The following FGF5 variants were observed in gnomAD, a reference collection of about 807,000 sequenced individuals.
FGF5 encodes the protein fibroblast growth factor 5, also known as heparin-binding growth factor 5.
A neutral mutation model predicts 21.8 loss-of-function variants in FGF5; 23 were observed. That is an observed-to-expected ratio of 1.05 (90% CI 0.76 to 1.49). FGF5 has a LOEUF of 1.49. FGF5 is among the 40% of genes most tolerant of loss of function. The pLI is 0.00. For synonymous variants in FGF5, 158 were observed against 124.0 expected, an observed-to-expected ratio of 1.27 and a Z score of -1.82; for missense variants, 352 against 332.9, an observed-to-expected ratio of 1.06 and a Z score of -0.45.
rs1319810349 is a variant in FGF5 at position 80,266,853 on chromosome 4, T to G, written c.29T>G (p.Phe10Cys). 1 of 1,604,480 alleles carries G rather than the reference T, an allele frequency of 6.2e-7. No individual in the cohort carries two copies. The highest frequency in any genetic ancestry group is 1.7e-5 in the Admixed American group (1 of 58,548). Reference sequence around the variant, plus strand: ...AGCTTGTCCTTCCTCCTCCTCCTCTTCTTCAGCCACCTGATCCTCAGCGCC... The same window carrying G: ...AGCTTGTCCTTCCTCCTCCTCCTCTGCTTCAGCCACCTGATCCTCAGCGCC... MSLSFLLLL[F>C]FSHLILSAWA... The change falls in exon 1 of 3, where the codon TTC becomes TGC. Residue 10 changes from phenylalanine (F) to cysteine (C), a missense_variant. Coordinates refer to ENST00000312465, the MANE Select transcript of FGF5 (RefSeq NM_004464.4).
intron 1 of FGF5, among the ~76,000 whole-genome samples, chr4:80,267,798 A>G (rs1380433003): frequency 2.1e-5 from 3 of 142,748 alleles, no homozygotes; most frequent in Admixed American, 2.1e-4. Flanking sequence ...ACTAGGGGAC[A>G]CCAGACAGAC....
rs774440979 is a variant in FGF5, at chr4:80,267,008, TC to T, written c.189del (p.Ala64GlnfsTer55). On this transcript the variant is annotated frameshift_variant, in exon 1 of 3. Coordinates refer to ENST00000312465, the MANE Select transcript of FGF5 (RefSeq NM_004464.4). LOFTEE classifies it high-confidence loss of function. ...SAMSSSSASS[S>X]PAASLGSQGS... Reference sequence around the variant, plus strand: ...TATGTCTTCCTCTTCTGCCTCCTCCTCCCCCGCAGCTTCTCTGGGCAGCCAA... The same window carrying T: ...TATGTCTTCCTCTTCTGCCTCCTCCTCCCCGCAGCTTCTCTGGGCAGCCAA... The T allele has an allele frequency of 6.2e-6, 10 of 1,614,064 alleles. No homozygotes were observed. The highest frequency in any genetic ancestry group is 8.5e-6 in the Non-Finnish European group (10 of 1,180,004).
In FGF5 at chr4:80,284,897, T is replaced by A. The variant is rs147979131; in HGVS notation, c.460-1428T>A. On this transcript the variant is annotated intron_variant, in intron 2 of 2. Coordinates refer to ENST00000312465, the MANE Select transcript of FGF5 (RefSeq NM_004464.4). The stretch of plus-strand genomic sequence containing the variant: ...TGGTTTGATATAGAAGTATGTAGCT[T>A]TTAGTGTTTTTATATATAGGGGACA... Among the ~76,000 whole-genome samples, 6 of 152,334 alleles carry A rather than the reference T, an allele frequency of 3.9e-5. No individual in the cohort carries two copies. In the East Asian group the frequency reaches 1.2e-3, roughly 29 times the overall value.
At chr4:80,283,714 G>A (rs1290114239) in intron 2 of FGF5, among the ~76,000 whole-genome samples, 1 of 151,888 alleles carries the variant, frequency 6.6e-6, no homozygotes, top group Non-Finnish European at 1.5e-5. Flanking sequence ...AACAGAGCTG[G>A]AAGTCAGATC....
At chr4:80,274,345 GTATCT>G (rs1720352799) in intron 1 of FGF5, among the ~76,000 whole-genome samples, 3 of 151,974 alleles carry the variant, frequency 2.0e-5, no homozygotes, top group African/African-American at 7.2e-5. Flanking sequence ...AATGCTTTCA[GTATCT>G]TATATGTAGT....
Position 80,287,821 on chromosome 4 carries a change from C to G in FGF5, c.*1149C>G, listed in dbSNP as rs888877793. 2.6e-5 allele frequency: 4 copies of G among 152,092 alleles called. No individual in the cohort carries two copies. The highest frequency in any genetic ancestry group is 9.7e-5 in the African/African-American group (4 of 41,424). The allele number at this position is 152,092 out of a possible 1,614,324, so 9.4% of individuals were successfully genotyped here. On this transcript the variant is annotated 3_prime_UTR_variant, in exon 3 of 3. Transcript: ENST00000312465. ...TCAGTCAAACACTCTTTGAGCTTCC[C>G]TTCCTAAAGGTAACCAATCCAGTGA...
chr4:80,275,363 A>G (rs1331799721), intron 2 of FGF5, among the ~76,000 whole-genome samples: 2 of 151,904 alleles, frequency 1.3e-5, no homozygotes, highest in Non-Finnish European at 2.9e-5. Context: ...GTTTATAGTG[A>G]CTGTATTTGT....
At position 80,290,963 on chromosome 4, in the gene FGF5, A is replaced by C. The variant is rs1352557997; in HGVS notation, c.*4291A>C. The C allele has an allele frequency of 1.3e-5, 2 of 152,134 alleles. No homozygotes were observed. Among genetic ancestry groups the C allele is most frequent in the African/African-American group, 4.8e-5 (2 of 41,412 alleles). 9.4% of individuals were successfully genotyped at this position (152,134 alleles called of 1,614,324 possible). A position where few individuals can be genotyped will look rare whatever the true frequency, so the allele number is the denominator to read the frequency against. On this transcript the variant is annotated 3_prime_UTR_variant, in exon 3 of 3. Coordinates refer to ENST00000312465, the MANE Select transcript of FGF5 (RefSeq NM_004464.4). ...TTGTTGGACATTTGGGTTGGTTCCA[A>C]GTCTTTGCTATTGTGAATAGTGCTG...
intron 1 of FGF5, among the ~76,000 whole-genome samples, chr4:80,271,602 G>C (rs1720274794): frequency 6.6e-6 from 1 of 152,126 alleles, no homozygotes; most frequent in Non-Finnish European, 1.5e-5. Context: ...GTGTATGCAT[G>C]GGGTGTCCTG....
Position 80,287,430 on chromosome 4 carries a change from T to C in FGF5, c.*758T>C, listed in dbSNP as rs934418949. ...CCTTTGGTGGCTGGGATATGATGGGTTAGAAGCAAGGAGAAAATATAAGGA... is the reference window on the plus strand; with the variant it reads ...CCTTTGGTGGCTGGGATATGATGGGCTAGAAGCAAGGAGAAAATATAAGGA... On this transcript the variant is annotated 3_prime_UTR_variant, in exon 3 of 3. Coordinates refer to ENST00000312465, the MANE Select transcript of FGF5 (RefSeq NM_004464.4). The C allele has an allele frequency of 6.6e-6, 1 of 152,148 alleles. No individual in the cohort carries two copies. Among genetic ancestry groups the C allele is most frequent in the Non-Finnish European group, 1.5e-5 (1 of 68,010 alleles). The allele number at this position is 152,148 out of a possible 1,614,324, so 9.4% of individuals were successfully genotyped here.
At chr4:80,282,888 T>C (rs995747592) in intron 2 of FGF5, among the ~76,000 whole-genome samples, 1 of 152,206 alleles carries the variant, frequency 6.6e-6, no homozygotes, top group Non-Finnish European at 1.5e-5. Flanking sequence ...AAAATCAGCC[T>C]GGAAAATTTA....
Position 80,288,073 on chromosome 4 carries a change from C to T in FGF5, c.*1401C>T, listed in dbSNP as rs1459821572. The T allele has an allele frequency of 6.6e-6, 1 of 152,104 alleles. No individual in the cohort carries two copies. The highest frequency in any genetic ancestry group is 1.5e-5 in the Non-Finnish European group (1 of 67,986). 9.4% of individuals were successfully genotyped at this position (152,104 alleles called of 1,614,324 possible). ...TTCTGCAAAATACACGTTTATCTTACATTCAGAAATGTGGCAAAAAAGGCA... is the reference window on the plus strand; with the variant it reads ...TTCTGCAAAATACACGTTTATCTTATATTCAGAAATGTGGCAAAAAAGGCA... On this transcript the variant is annotated 3_prime_UTR_variant, in exon 3 of 3. Transcript: ENST00000312465.
chr4:80,271,291 G>T (rs537486453), intron 1 of FGF5, among the ~76,000 whole-genome samples: 26 of 152,086 alleles, frequency 1.7e-4, no homozygotes, highest in Admixed American at 2.0e-4. Context: ...ACGGAAGTAA[G>T]CTTACATCAT....
intron 2 of FGF5, among the ~76,000 whole-genome samples, chr4:80,275,940 T>C (rs1720398962): frequency 6.6e-6 from 1 of 152,046 alleles, no homozygotes; most frequent in Non-Finnish European, 1.5e-5. Context: ...TTTTCAGTTT[T>C]CAAAGTTATA....
Position 80,290,891 on chromosome 4 carries a change from G to A in FGF5, c.*4219G>A, listed in dbSNP as rs1720886188. The A allele has an allele frequency of 6.6e-6, 1 of 152,126 alleles. No individual in the cohort carries two copies. Among genetic ancestry groups the A allele is most frequent in the Non-Finnish European group, 1.5e-5 (1 of 68,024 alleles). The allele number at this position is 152,126 out of a possible 1,614,324, so 9.4% of individuals were successfully genotyped here. On this transcript the variant is annotated 3_prime_UTR_variant, in exon 3 of 3. Coordinates refer to ENST00000312465, the MANE Select transcript of FGF5 (RefSeq NM_004464.4). Reference sequence around the variant, plus strand: ...ACTCATCATTTTTTATGGCTGCATAGTATTCCATGGTGTATATGTGCCACA... The same window carrying A: ...ACTCATCATTTTTTATGGCTGCATAATATTCCATGGTGTATATGTGCCACA...
At position 80,267,095 on chromosome 4, in the gene FGF5, C is replaced by G; in HGVS notation, c.271C>G (p.Leu91Val). The G allele has an allele frequency of 6.2e-7, 1 of 1,614,224 alleles. No homozygotes were observed. The highest frequency in any genetic ancestry group is 8.5e-7 in the Non-Finnish European group (1 of 1,180,048). The change falls in exon 1 of 3, where the codon CTC becomes GTC. Residue 91 changes from leucine (L) to valine (V), a missense_variant. Coordinates refer to ENST00000312465, the MANE Select transcript of FGF5 (RefSeq NM_004464.4). ...CCCCTCGGGGCGCCGGACCGGCAGC[C>G]TCTACTGCAGAGTGGGCATCGGTTT... ...WSPSGRRTGS[L>V]YCRVGIGFHL...
intron 2 of FGF5, among the ~76,000 whole-genome samples, chr4:80,275,734 G>C (rs1720393044): frequency 6.6e-6 from 1 of 151,926 alleles, no homozygotes; most frequent in Non-Finnish European, 1.5e-5. Flanking sequence ...AATATGTTCA[G>C]CTTAGTTTTC....
At position 80,286,903 on chromosome 4, in the gene FGF5, A is replaced by G; in HGVS notation, c.*231A>G. 2.2e-6 allele frequency: 1 copy of G among 449,234 alleles called. No individual in the cohort carries two copies. Among genetic ancestry groups the G allele is most frequent in the Non-Finnish European group, 4.0e-6 (1 of 252,452 alleles). 27.8% of individuals were successfully genotyped at this position (449,234 alleles called of 1,614,324 possible). The stretch of plus-strand genomic sequence containing the variant: ...ACTCCTTCAGTTCAGCAAGACATAA[A>G]GCCTTTTGCTTTATGCTTGAGGGAT... On this transcript the variant is annotated 3_prime_UTR_variant, in exon 3 of 3. Transcript: ENST00000312465.
intron 2 of FGF5, among the ~76,000 whole-genome samples, chr4:80,283,096 G>A (rs138052201): frequency 2.7e-4 from 41 of 152,288 alleles, no homozygotes; most frequent in African/African-American, 8.9e-4. Flanking sequence ...TCACTGAAAT[G>A]TTTGTTTCAA....
Sources: gnomAD v4.1 joint callset for allele counts (sites outside exome capture counted in the v4.1 genomes callset) on GRCh38, gnomAD v4.1.1 for gene constraint, MANE v1.5 for transcripts, NCBI Gene and HGNC (gene_info 2026-07-23, HGNC 2026-07-21) for gene names.